Variants in OTULIN observed in about 807,000 individuals in gnomAD.
OTULIN encodes ubiquitin thioesterase otulin.
Under a neutral mutation model 39.6 loss-of-function variants are expected in OTULIN, and 15 were observed. That is an observed-to-expected ratio of 0.38 (90% CI 0.25 to 0.58). The LOEUF (loss-of-function observed/expected upper bound fraction) is 0.58, where lower values mean the gene tolerates loss of function less well. Ranked by LOEUF, OTULIN falls within the 20% of genes least tolerant of loss-of-function variation. The pLI is 0.66. For missense variants in OTULIN, 319 were observed against 445.9 expected (o/e 0.72, Z 2.56); for synonymous variants, 156 against 170.3 (o/e 0.92, Z 0.65).
chr5:14,668,077 C>T (rs1735894949), intron 1 of OTULIN, among the ~76,000 whole-genome samples: 1 of 152,160 alleles, frequency 6.6e-6, no homozygotes, highest in African/African-American at 2.4e-5. Context: ...GTGAACCCCT[C>T]TGAAATTGAA....
intron 1 of OTULIN, among the ~76,000 whole-genome samples, chr5:14,668,629 CA>C (rs1241007075): frequency 3.9e-5 from 6 of 152,032 alleles, no homozygotes; most frequent in Admixed American, 3.3e-4. Flanking sequence ...GTATGAACTG[CA>C]GGGTTCAAGT....
At chr5:14,712,499 G>T in the OTULIN span, among the ~76,000 whole-genome samples, 2 of 152,240 alleles carry the variant, frequency 1.3e-5, no homozygotes, top group Non-Finnish European at 2.9e-5. Flanking sequence ...GTCCTTGTGT[G>T]CACAGCCACA....
At chr5:14,704,145 C>T (rs1736870008), downstream of OTULIN, among the ~76,000 whole-genome samples, 1 of 151,876 alleles carries the variant, frequency 6.6e-6, no homozygotes, top group African/African-American at 2.4e-5. Flanking sequence ...TCCTAGCCAA[C>T]ATGGTGAAAC....
chr5:14,692,470 T>TTTG (rs1736553396), intron 6 of OTULIN, among the ~76,000 whole-genome samples: 1 of 152,152 alleles, frequency 6.6e-6, no homozygotes, highest in East Asian at 1.9e-4. Flanking sequence ...ATTTGGATTT[T>TTTG]GATTTCCCTA....
At chr5:14,704,953 A>C in the OTULIN span, 1 of 152,254 alleles carries the variant, frequency 6.6e-6, no homozygotes, top group Non-Finnish European at 1.5e-5. Context: ...AGATACATAA[A>C]GAGCACTTCC....
intron 4 of OTULIN, among the ~76,000 whole-genome samples, chr5:14,684,486 G>A (rs1374238910): frequency 4.6e-5 from 7 of 152,246 alleles, no homozygotes; most frequent in African/African-American, 1.7e-4. Flanking sequence ...CTCTGGTTGT[G>A]CAAATCTACC....
chr5:14,712,475 TC>T, the OTULIN span, among the ~76,000 whole-genome samples: 1 of 152,254 alleles, frequency 6.6e-6, no homozygotes, highest in African/African-American at 2.4e-5. Flanking sequence ...CGAGCTCCTG[TC>T]TTGGACTGCC....
At chr5:14,687,780 A>G in intron 5 of OTULIN, 134 bp downstream of exon 5, 2 of 1,138,294 alleles carry the variant, frequency 1.8e-6, no homozygotes, top group East Asian at 5.0e-5. Context: ...ATGGTTTTAA[A>G]TGAATTCAAA....
intron 4 of OTULIN, among the ~76,000 whole-genome samples, chr5:14,683,591 A>C (rs139586987): frequency 2.0e-5 from 3 of 152,054 alleles, no homozygotes; most frequent in Non-Finnish European, 2.9e-5. Context: ...TTGGTGGTGT[A>C]TACCTATGTT....
At chr5:14,705,156 A>G in the OTULIN span, 1 of 152,160 alleles carries the variant, frequency 6.6e-6, no homozygotes, top group Non-Finnish European at 1.5e-5. Context: ...CACTGTGCCC[A>G]GCTAAATATT....
Position 14,673,044 on chromosome 5 carries a change from C to T in OTULIN, c.153-598C>T, listed in dbSNP as rs114204998. Among the ~76,000 whole-genome samples, 1,358 of 152,124 alleles carry T rather than the reference C, an allele frequency of 8.9e-3. 22 individuals are homozygous for T. Among genetic ancestry groups the T allele is most frequent in the African/African-American group, 0.031 (1,270 of 41,476 alleles). On this transcript the variant is annotated intron_variant, in intron 1 of 6. Transcript: ENST00000284274. ...GACTAGGAAGCTCTGAGTAAGAAGT[C>T]GGTAGTAGCGGACAGTGGGAATCTA...
intron 4 of OTULIN, among the ~76,000 whole-genome samples, chr5:14,681,932 C>T (rs1224236196): frequency 6.6e-6 from 1 of 152,166 alleles, no homozygotes; most frequent in Non-Finnish European, 1.5e-5. Context: ...TATTTGAGAA[C>T]CTGCTAGGGT....
chr5:14,688,634 G>A (rs1392688018), intron 5 of OTULIN, among the ~76,000 whole-genome samples: 1 of 152,170 alleles, frequency 6.6e-6, no homozygotes, highest in African/African-American at 2.4e-5. Context: ...TACTGTCAAA[G>A]GAAGTCCAGT....
At chr5:14,702,771 T>G (rs1736823678), downstream of OTULIN, among the ~76,000 whole-genome samples, 1 of 152,190 alleles carries the variant, frequency 6.6e-6, no homozygotes, top group Non-Finnish European at 1.5e-5. Flanking sequence ...TTGAGGTGTA[T>G]AGTATAATGT....
chr5:14,713,488 GAC>G, the OTULIN span: 1 of 1,608,480 alleles, frequency 6.2e-7, no homozygotes, highest in Non-Finnish European at 8.5e-7. The surrounding 1 kb of genome is among the most constrained non-coding windows in gnomAD (Gnocchi z 4.4). Context: ...TAAACCTCTG[GAC>G]ACAGTATTGA....
chr5:14,668,905 G>T (rs1161265745), intron 1 of OTULIN, among the ~76,000 whole-genome samples: 1 of 152,182 alleles, frequency 6.6e-6, no homozygotes, highest in Non-Finnish European at 1.5e-5. Context: ...TGTCTGTACA[G>T]TAAGCATGTT....
downstream of OTULIN, among the ~76,000 whole-genome samples, chr5:14,703,564 T>C (rs1457023753): frequency 6.6e-6 from 1 of 152,074 alleles, no homozygotes; most frequent in Non-Finnish European, 1.5e-5. Flanking sequence ...GTGCCTCCTC[T>C]AGATGGAGAT....
At position 14,677,528 on chromosome 5, in the gene OTULIN, C is replaced by T. The variant is rs77242206; in HGVS notation, c.230-1153C>T. On this transcript the variant is annotated intron_variant, in intron 2 of 6. Coordinates refer to ENST00000284274, the MANE Select transcript of OTULIN (RefSeq NM_138348.6). ...CCTCCTTTTCTTCCTAAAACACACACACTAATATGTGCATGTGCGTGTATA... is the reference window on the plus strand; with the variant it reads ...CCTCCTTTTCTTCCTAAAACACACATACTAATATGTGCATGTGCGTGTATA... 4.7e-3 allele frequency among the ~76,000 whole-genome samples: 716 copies of T among 152,256 alleles called. 7 individuals carry two copies. The highest frequency in any genetic ancestry group is 0.016 in the African/African-American group (664 of 41,536).
At chr5:14,673,585 G>A (rs1736029815) in intron 1 of OTULIN, 57 bp from the exon 2 acceptor site, 11 of 1,508,668 alleles carry the variant, frequency 7.3e-6, no homozygotes, top group Non-Finnish European at 9.2e-6. Flanking sequence ...TGTATAATAG[G>A]ACGGAAAATG....
Sources: allele counts gnomAD v4.1 joint callset (sites outside exome capture counted in the v4.1 genomes callset), GRCh38; gene constraint gnomAD v4.1.1; non-coding constraint Gnocchi (gnomAD v3.1); transcripts MANE v1.5; gene names NCBI Gene and HGNC (gene_info 2026-07-23, HGNC 2026-07-21).